PARP4: variants seen among roughly 807,000 people sequenced by gnomAD.
PARP4 encodes the protein poly(ADP-ribose) polymerase family member 4.
PARP4 carries 120 observed loss-of-function variants against 187.7 expected under a neutral mutation model. The observed-to-expected ratio is 0.64, with a 90% CI of 0.55 to 0.74. The LOEUF (loss-of-function observed/expected upper bound fraction) is 0.74. PARP4 is among the 30% of genes least tolerant of loss of function. The pLI is 0.00. For synonymous variants in PARP4, 654 were observed against 740.9 expected (o/e 0.88, Z 1.90); for missense variants, 1,836 against 2,070.5 (o/e 0.89, Z 2.20).
intron 8 of PARP4, among the ~76,000 whole-genome samples, chr13:24,493,259 G>A (rs952281719): frequency 2.0e-5 from 3 of 152,184 alleles, no homozygotes; most frequent in African/African-American, 7.2e-5. Context: ...CTGCGGTTAA[G>A]GCATCTGACT....
intron 24 of PARP4, among the ~76,000 whole-genome samples, chr13:24,450,076 C>CA (rs61339682): frequency 0.15 from 23,502 of 151,706 alleles, 2,360 homozygotes; most frequent in African/African-American, 0.28. Context: ...ACTTTCAGTT[C>CA]CTGAGGGAGG....
intron 4 of PARP4, among the ~76,000 whole-genome samples, chr13:24,499,755 C>T (rs1239624813): frequency 2.0e-5 from 3 of 152,200 alleles, no homozygotes; most frequent in African/African-American, 7.2e-5. Context: ...GACCACAGTC[C>T]ATTCCTCTCT....
chr13:24,429,058 A>G (rs1264298919), intron 32 of PARP4, among the ~76,000 whole-genome samples: 2 of 151,464 alleles, frequency 1.3e-5, no homozygotes, highest in Non-Finnish European at 2.9e-5. Flanking sequence ...TATTGAGTGC[A>G]TTGTCAATCG....
At chr13:24,483,455 C>T (rs867035632) in intron 12 of PARP4, among the ~76,000 whole-genome samples, 53 of 123,566 alleles carry the variant, frequency 4.3e-4, no homozygotes, top group African/African-American at 1.4e-3. Flanking sequence ...CACTGCAGTC[C>T]GCAGTCCGGC....
rs764488993 is a variant in PARP4, at chr13:24,498,140, G to A, written c.567C>T (p.His189=). ...CCTCCATGCCATCATCCAGGAGGAAGTGTGAGGATATCAGGAAAGGACAGT... is the reference window on the plus strand; with the variant it reads ...CCTCCATGCCATCATCCAGGAGGAAATGTGAGGATATCAGGAAAGGACAGT... The part of the protein sequence containing the change: ...SRDCPFLISS[H]FLLDDGMETR... Residue 189 remains histidine, a synonymous_variant, in exon 6 of 34, where the codon CAC becomes CAT. Transcript: ENST00000381989. The A allele has an allele frequency of 1.4e-5, 23 of 1,612,746 alleles. No individual in the cohort carries two copies. In the South Asian group the frequency reaches 2.5e-4, roughly 18 times the overall value.
At chr13:24,455,475 G>A (rs111573989) in intron 21 of PARP4, among the ~76,000 whole-genome samples, 5,131 of 67,002 alleles carry the variant, frequency 0.077, 164 homozygotes, top group African/African-American at 0.13. Context: ...CAACATTATG[G>A]AACAAATATA....
intron 11 of PARP4, among the ~76,000 whole-genome samples, chr13:24,485,178 G>A (rs59317970): frequency 0.013 from 2,036 of 152,164 alleles, 44 homozygotes; most frequent in African/African-American, 0.046. Context: ...TATCTCTATA[G>A]ATAGTATTGA....
intron 2 of PARP4, among the ~76,000 whole-genome samples, chr13:24,502,910 G>C (rs1431334903): frequency 6.6e-6 from 1 of 152,156 alleles, no homozygotes; most frequent in Non-Finnish European, 1.5e-5. Flanking sequence ...GCTCACAATG[G>C]CCAAGCCCCA....
chr13:24,500,058 A>T (rs1869187050), intron 4 of PARP4, among the ~76,000 whole-genome samples: 1 of 122,752 alleles, frequency 8.1e-6, no homozygotes, highest in Non-Finnish European at 1.9e-5. Context: ...AAAAGAATTA[A>T]AAAAAAAACC....
intron 8 of PARP4, 74 bp from the exon 9 acceptor site, chr13:24,492,668 T>C: frequency 2.5e-6 from 3 of 1,214,074 alleles, no homozygotes; most frequent in Admixed American, 4.2e-5. Context: ...CAAAACTATA[T>C]AAATAATTGT....
intron 1 of PARP4, among the ~76,000 whole-genome samples, chr13:24,504,304 GTTCTT>G: frequency 9.3e-6 from 1 of 107,880 alleles, no homozygotes; most frequent in Non-Finnish European, 1.9e-5. Context: ...CTGCATTTAG[GTTCTT>G]TTTTTTTTTT....
At chr13:24,492,785 T>C (rs1868731786) in intron 8 of PARP4, among the ~76,000 whole-genome samples, 191 bp from the exon 9 acceptor site, 1 of 152,242 alleles carries the variant, frequency 6.6e-6, no homozygotes, top group South Asian at 2.1e-4. Flanking sequence ...ATGAGGATTG[T>C]TGCAAAACTA....
At position 24,459,963 on chromosome 13, in the gene PARP4, C is replaced by T. The variant is rs201461720; in HGVS notation, c.2298+9G>A. The T allele has an allele frequency of 1.4e-5, 23 of 1,608,730 alleles. No individual in the cohort carries two copies. The highest frequency in any genetic ancestry group is 4.0e-5 in the African/African-American group (3 of 74,766). On this transcript the variant is annotated intron_variant, in intron 18 of 33. Coordinates refer to ENST00000381989, the MANE Select transcript of PARP4 (RefSeq NM_006437.4). ...CCAAAATGCTTCTTCAAATCTTATG[C>T]GTACAAACCTGAAGGTTTTCATTCA...
At chr13:24,422,310 A>T (rs1271295663) in intron 33 of PARP4, among the ~76,000 whole-genome samples, 2 of 152,344 alleles carry the variant, frequency 1.3e-5, no homozygotes, top group East Asian at 3.9e-4. Context: ...ATGTTCGCTG[A>T]ATGTCATGAT....
intron 33 of PARP4, among the ~76,000 whole-genome samples, chr13:24,425,168 G>C (rs765836939): frequency 6.6e-6 from 1 of 152,126 alleles, no homozygotes; most frequent in Non-Finnish European, 1.5e-5. Flanking sequence ...GGGCGTGGTG[G>C]TGCACACCTG....
At chr13:24,509,112 A>T (rs774439518) in intron 1 of PARP4, among the ~76,000 whole-genome samples, 1 of 152,214 alleles carries the variant, frequency 6.6e-6, no homozygotes, top group Non-Finnish European at 1.5e-5. Context: ...TTTTGTGTTA[A>T]AAGTTAATCA....
chr13:24,499,225 A>C, intron 5 of PARP4, 76 bp downstream of exon 5: 1 of 1,429,384 alleles, frequency 7.0e-7, no homozygotes, highest in Non-Finnish European at 9.2e-7. Flanking sequence ...AAATGACCGA[A>C]TAGGAAAAAC....
At chr13:24,438,738 C>T (rs1398924238) in intron 30 of PARP4, among the ~76,000 whole-genome samples, 3 of 152,076 alleles carry the variant, frequency 2.0e-5, no homozygotes, top group African/African-American at 7.2e-5. Context: ...AAAGGTGTTG[C>T]GCTCCCTGGA....
Position 24,434,644 on chromosome 13 carries a change from AC to A in PARP4, c.4496del (p.Cys1499PhefsTer3). ...GACTGCCTACTGATTCTTCTAGAAG[AC>A]AGAGATCTACTGGGGTAGTCCGGGA... ...SQSRTTPVDL[C>X]LLEESVGSLE... On this transcript the variant is annotated frameshift_variant, in exon 31 of 34. Transcript: ENST00000381989. LOFTEE classifies it high-confidence loss of function. The A allele has an allele frequency of 6.2e-7, 1 of 1,613,530 alleles. No individual in the cohort carries two copies. The highest frequency in any genetic ancestry group is 1.1e-5 in the South Asian group (1 of 91,028).
Sources: gnomAD v4.1 joint callset for allele counts (sites outside exome capture counted in the v4.1 genomes callset) on GRCh38, gnomAD v4.1.1 for gene constraint, MANE v1.5 for transcripts, NCBI Gene and HGNC (gene_info 2026-07-23, HGNC 2026-07-21) for gene names.